The following RAPGEF6 variants were observed in gnomAD, a reference collection of about 807,000 sequenced individuals.
RAPGEF6 encodes Rap guanine nucleotide exchange factor 6.
RAPGEF6 carries 56 observed loss-of-function variants against 171.4 expected under a neutral mutation model. That is an observed-to-expected ratio of 0.33 (90% CI 0.26 to 0.41). RAPGEF6 has a LOEUF of 0.41. Ranked by LOEUF, RAPGEF6 falls within the 10% of genes least tolerant of loss-of-function variation. The pLI is 1.00. For missense variants in RAPGEF6, 1,674 were observed against 1,921.4 expected (o/e 0.87, Z 2.41); for synonymous variants, 692 against 650.1 (o/e 1.06, Z -0.98).
In RAPGEF6 at chr5:131,453,109, GGC is replaced by G; in HGVS notation, c.3143_3144del (p.Arg1048ProfsTer9). On this transcript the variant is annotated frameshift_variant, in exon 21 of 28. Coordinates refer to ENST00000509018, the MANE Select transcript of RAPGEF6 (RefSeq NM_016340.6). LOFTEE classifies it high-confidence loss of function. ...TTAGCAGAAGTCATTCGAACAACTT[GGC>G]GGATTTCCTTGGAAATCATTCTTAA... ...EKLRMISKEI[R>X]QVVRMTSANM... The G allele has an allele frequency of 6.2e-7, 1 of 1,613,838 alleles. No individual in the cohort carries two copies. Among genetic ancestry groups the G allele is most frequent in the Non-Finnish European group, 8.5e-7 (1 of 1,179,890 alleles).
intron 1 of RAPGEF6, among the ~76,000 whole-genome samples, chr5:131,611,696 G>T (rs1221358434): frequency 6.6e-6 from 1 of 152,134 alleles, no homozygotes; most frequent in East Asian, 1.9e-4. Flanking sequence ...TTTTAAACTA[G>T]AGGCTTTTTG....
chr5:131,501,186 A>C (rs1283350381), intron 11 of RAPGEF6, among the ~76,000 whole-genome samples: 5 of 152,148 alleles, frequency 3.3e-5, no homozygotes, highest in East Asian at 3.9e-4. Context: ...AACAAACAAA[A>C]AAAGCTGTGA....
chr5:131,620,350 A>G (rs966522917), intron 1 of RAPGEF6, among the ~76,000 whole-genome samples: 1 of 152,196 alleles, frequency 6.6e-6, no homozygotes, highest in African/African-American at 2.4e-5. Context: ...TAGATACTAT[A>G]TGTTCTACTG....
At chr5:131,623,864 G>C (rs1353779774) in intron 1 of RAPGEF6, among the ~76,000 whole-genome samples, 1 of 152,166 alleles carries the variant, frequency 6.6e-6, no homozygotes. Flanking sequence ...ATGAACACTG[G>C]GAGATAAGGG....
At chr5:131,594,374 G>A (rs543700178) in intron 3 of RAPGEF6, among the ~76,000 whole-genome samples, 2 of 152,352 alleles carry the variant, frequency 1.3e-5, no homozygotes, top group Admixed American at 1.3e-4. Flanking sequence ...CAAAAGTTGA[G>A]GTTTGGGAAT....
intron 4 of RAPGEF6, among the ~76,000 whole-genome samples, chr5:131,567,425 C>G (rs1762020089): frequency 6.6e-6 from 1 of 152,152 alleles, no homozygotes; most frequent in Non-Finnish European, 1.5e-5. Flanking sequence ...GAAAGTACTG[C>G]TTTAGCTGCA....
intron 21 of RAPGEF6, among the ~76,000 whole-genome samples, chr5:131,451,983 A>G (rs113408846): frequency 2.0e-5 from 3 of 152,210 alleles, no homozygotes; most frequent in African/African-American, 7.2e-5. Flanking sequence ...CTATAATCCC[A>G]GCACTTTGGG....
intron 6 of RAPGEF6, among the ~76,000 whole-genome samples, chr5:131,545,214 T>C (rs1173623165): frequency 1.3e-5 from 2 of 152,180 alleles, no homozygotes; most frequent in Non-Finnish European, 2.9e-5. Context: ...ATATTTCATA[T>C]GAATAAATCA....
intron 1 of RAPGEF6, among the ~76,000 whole-genome samples, chr5:131,611,277 C>A (rs1194082274): frequency 6.6e-6 from 1 of 152,164 alleles, no homozygotes; most frequent in African/African-American, 2.4e-5. Flanking sequence ...CTAACAGAAC[C>A]CAGACTAACA....
chr5:131,544,358 C>T (rs1348548859), intron 6 of RAPGEF6, among the ~76,000 whole-genome samples: 1 of 151,848 alleles, frequency 6.6e-6, no homozygotes, highest in Non-Finnish European at 1.5e-5. Context: ...TGAAATAATA[C>T]CCACAAGAGA....
At chr5:131,489,722 T>G (rs1756156557) in intron 14 of RAPGEF6, 68 bp from the exon 15 acceptor site, 1 of 765,130 alleles carries the variant, frequency 1.3e-6, no homozygotes, top group African/African-American at 1.8e-5. Flanking sequence ...CCTTAAAAGT[T>G]TAATAGTGAA....
chr5:131,618,927 C>T (rs1403553475), intron 1 of RAPGEF6, among the ~76,000 whole-genome samples: 1 of 151,804 alleles, frequency 6.6e-6, no homozygotes, highest in African/African-American at 2.4e-5. Context: ...TATGCAGTTT[C>T]TCAACAAAAT....
intron 4 of RAPGEF6, among the ~76,000 whole-genome samples, chr5:131,571,527 C>G (rs1469867673): frequency 6.6e-6 from 1 of 152,126 alleles, no homozygotes; most frequent in Non-Finnish European, 1.5e-5. Context: ...TATACAATAT[C>G]TCTACACTGA....
At chr5:131,533,853 A>G (rs1334744606) in intron 6 of RAPGEF6, among the ~76,000 whole-genome samples, 1 of 151,928 alleles carries the variant, frequency 6.6e-6, no homozygotes, top group East Asian at 1.9e-4. Flanking sequence ...AGTGTGGACT[A>G]AAAAAAATTG....
intron 6 of RAPGEF6, among the ~76,000 whole-genome samples, chr5:131,543,921 T>C (rs541872953): frequency 7.9e-5 from 12 of 152,196 alleles, no homozygotes; most frequent in Admixed American, 7.9e-4. Context: ...CAAAAGAATA[T>C]GAATATACAA....
chr5:131,533,255 T>C (rs1759531385), intron 6 of RAPGEF6, among the ~76,000 whole-genome samples: 2 of 151,584 alleles, frequency 1.3e-5, no homozygotes, highest in Non-Finnish European at 2.9e-5. Flanking sequence ...AGCTAAATTC[T>C]TTAAGAAAAA....
chr5:131,446,746 G>T, intron 21 of RAPGEF6, 43 bp from the exon 22 acceptor site: 3 of 1,518,790 alleles, frequency 2.0e-6, no homozygotes, highest in Non-Finnish European at 2.7e-6. Context: ...ATAGAGATGA[G>T]AACTAAGCAT....
intron 1 of RAPGEF6, among the ~76,000 whole-genome samples, chr5:131,624,579 G>C (rs953067009): frequency 6.6e-6 from 1 of 152,112 alleles, no homozygotes; most frequent in African/African-American, 2.4e-5. Context: ...CCAGGGGCTG[G>C]AGGCCAACCT....
At chr5:131,516,948 G>A (rs1020733408) in intron 7 of RAPGEF6, among the ~76,000 whole-genome samples, 1 of 152,192 alleles carries the variant, frequency 6.6e-6, no homozygotes, top group Non-Finnish European at 1.5e-5. Flanking sequence ...AGAAGGAAAT[G>A]CATAGAAGTG....
Sources: gnomAD v4.1 joint callset for allele counts (sites outside exome capture counted in the v4.1 genomes callset) on GRCh38, gnomAD v4.1.1 for gene constraint, MANE v1.5 for transcripts, NCBI Gene and HGNC (gene_info 2026-07-23, HGNC 2026-07-21) for gene names.